PLPPR5: variants seen among roughly 807,000 people sequenced by gnomAD.
The protein encoded by PLPPR5 is phospholipid phosphatase-related protein type 5.
Under a neutral mutation model 33.9 loss-of-function variants are expected in PLPPR5, and 16 were observed. The ratio of observed to expected loss-of-function variants is 0.47; its 90% CI spans 0.32 to 0.72. The LOEUF (loss-of-function observed/expected upper bound fraction) is 0.72, where lower values mean the gene tolerates loss of function less well. Among genes scored for constraint, PLPPR5 ranks in the 30% least tolerant of loss-of-function variants. The pLI, the probability that PLPPR5 is intolerant of heterozygous loss-of-function variation, is 0.03. For synonymous variants in PLPPR5, 163 were observed against 150.3 expected (o/e 1.08, Z -0.62); for missense variants, 301 against 406.7 (o/e 0.74, Z 2.23).
chr1:98,941,078 G>A (rs1557677399), intron 3 of PLPPR5, among the ~76,000 whole-genome samples: 1 of 151,764 alleles, frequency 6.6e-6, no homozygotes, highest in Non-Finnish European at 1.5e-5. Context: ...AGGAGTTGTG[G>A]GGTTCACTTG....
At chr1:98,912,629 G>T (rs2101149913) in intron 5 of PLPPR5, among the ~76,000 whole-genome samples, 1 of 152,268 alleles carries the variant, frequency 6.6e-6, no homozygotes, top group East Asian at 1.9e-4. Flanking sequence ...GGGAAGCTGG[G>T]AAATATAGAT....
In PLPPR5 at chr1:98,923,780, T is replaced by C. The variant is rs538012527; in HGVS notation, c.622-1722A>G. Among the ~76,000 whole-genome samples the C allele has an allele frequency of 7.1e-4, 108 of 152,272 alleles. No individual in the cohort carries two copies. In the Middle Eastern group the frequency reaches 0.017, roughly 24 times the overall value. ...TTCAGTTATGGAGGGTAAGTATACA[T>C]GAGAGGGGAACAGGAAGAGATGAGA... On this transcript the variant is annotated intron_variant, in intron 3 of 5. Coordinates refer to ENST00000263177, the MANE Select transcript of PLPPR5 (RefSeq NM_001037317.2).
At chr1:98,990,474 T>TG (rs1243653504) in intron 1 of PLPPR5, among the ~76,000 whole-genome samples, 1 of 152,204 alleles carries the variant, frequency 6.6e-6, no homozygotes, top group African/African-American at 2.4e-5. Context: ...ATATGTGCTA[T>TG]GTACTATTAA....
chr1:98,995,618 T>C (rs1028818520), intron 1 of PLPPR5, among the ~76,000 whole-genome samples: 2 of 151,836 alleles, frequency 1.3e-5, no homozygotes, highest in Admixed American at 6.6e-5. Context: ...CAGCCCTTGG[T>C]TTAAAACAGT....
intron 3 of PLPPR5, among the ~76,000 whole-genome samples, chr1:98,929,378 G>A (rs1322858412): frequency 6.6e-6 from 1 of 152,120 alleles, no homozygotes; most frequent in Non-Finnish European, 1.5e-5. Flanking sequence ...TATGGGCATG[G>A]GGATAAAGCT....
At chr1:98,965,617 T>G (rs566314914) in intron 1 of PLPPR5, among the ~76,000 whole-genome samples, 44 of 152,322 alleles carry the variant, frequency 2.9e-4, no homozygotes, top group African/African-American at 1.1e-3. Flanking sequence ...TTCTCATACC[T>G]CAACCTTTGT....
At chr1:98,930,413 C>T (rs1323363025) in intron 3 of PLPPR5, among the ~76,000 whole-genome samples, 1 of 151,942 alleles carries the variant, frequency 6.6e-6, no homozygotes, top group Non-Finnish European at 1.5e-5. Context: ...TTTGTATGAT[C>T]TACTATGTAC....
At chr1:98,913,708 T>C (rs1452541826) in intron 5 of PLPPR5, among the ~76,000 whole-genome samples, 1 of 152,216 alleles carries the variant, frequency 6.6e-6, no homozygotes, top group Non-Finnish European at 1.5e-5. Flanking sequence ...ACCTGATTAG[T>C]GTGTAACTGA....
At chr1:99,001,671 G>GATATATATAT (rs55722150) in intron 1 of PLPPR5, among the ~76,000 whole-genome samples, 4,047 of 101,934 alleles carry the variant, frequency 0.04, 202 homozygotes, top group East Asian at 0.046. Flanking sequence ...GAAAGTTAAA[G>GATATATATAT]ATATATATAT....
rs371643530 is a variant in PLPPR5 at position 98,917,823 on chromosome 1, C to T, written c.799-2903G>A. ...AATACTTTGATTGATGTGTCTCTTC[C>T]AAGTTCCACAAATGCAAAGATGCTC... On this transcript the variant is annotated intron_variant, in intron 4 of 5. Transcript: ENST00000263177. 7.2e-5 allele frequency among the ~76,000 whole-genome samples: 11 copies of T among 152,276 alleles called. No individual in the cohort carries two copies. In the East Asian group the frequency reaches 2.1e-3, roughly 29 times the overall value.
At chr1:98,960,838 G>A (rs901938749) in intron 1 of PLPPR5, among the ~76,000 whole-genome samples, 2 of 152,118 alleles carry the variant, frequency 1.3e-5, no homozygotes, top group East Asian at 1.9e-4. Context: ...CGGCTGCTGC[G>A]CTCCTCTGGA....
chr1:98,967,120 AC>A (rs1231356571), intron 1 of PLPPR5, among the ~76,000 whole-genome samples: 1 of 152,190 alleles, frequency 6.6e-6, no homozygotes, highest in Non-Finnish European at 1.5e-5. Context: ...ATTATTATGT[AC>A]TTGTACTGTG....
In PLPPR5 at chr1:99,004,839, G is replaced by C; in HGVS notation, c.-168C>G. 6.9e-6 allele frequency: 2 copies of C among 291,642 alleles called. No homozygotes were observed. Among genetic ancestry groups the C allele is most frequent in the Non-Finnish European group, 1.2e-5 (2 of 165,428 alleles). 18.1% of individuals were successfully genotyped at this position (291,642 alleles called of 1,614,324 possible). On this transcript the variant is annotated 5_prime_UTR_variant, in exon 1 of 6. Transcript: ENST00000263177. ...TGGAGGAAGAGGCGGAGGCAGGTCC[G>C]GGCTTCGAGGCGCCGGCAGGCTGCA...
At chr1:98,916,243 T>C (rs538210989) in intron 4 of PLPPR5, among the ~76,000 whole-genome samples, 1 of 152,224 alleles carries the variant, frequency 6.6e-6, no homozygotes, top group Admixed American at 6.5e-5. Context: ...CAAATTATTA[T>C]AGATTTCTTA....
At chr1:98,931,694 C>T (rs1033948137) in intron 3 of PLPPR5, among the ~76,000 whole-genome samples, 2 of 151,722 alleles carry the variant, frequency 1.3e-5, no homozygotes, top group Non-Finnish European at 2.9e-5. Flanking sequence ...TTGTGTGGGT[C>T]GGGACGGGGG....
At chr1:98,951,820 A>G (rs3850455) in intron 3 of PLPPR5, among the ~76,000 whole-genome samples, 39,793 of 152,064 alleles carry the variant, frequency 0.26, 5,461 homozygotes, top group East Asian at 0.49. Context: ...GAGGGTAAAA[A>G]AATAATTCCA....
At chr1:98,971,273 A>C (rs1373999693) in intron 1 of PLPPR5, among the ~76,000 whole-genome samples, 1 of 152,096 alleles carries the variant, frequency 6.6e-6, no homozygotes, top group Non-Finnish European at 1.5e-5. Context: ...TAAACTTTGG[A>C]GAAGAGTTAC....
At chr1:99,000,903 T>C (rs1652815017) in intron 1 of PLPPR5, among the ~76,000 whole-genome samples, 1 of 152,140 alleles carries the variant, frequency 6.6e-6, no homozygotes, top group African/African-American at 2.4e-5. Flanking sequence ...CTCAGCCAGA[T>C]ATAATGCTTG....
chr1:98,943,133 G>A (rs910175947), intron 3 of PLPPR5, among the ~76,000 whole-genome samples: 3 of 152,124 alleles, frequency 2.0e-5, no homozygotes, highest in African/African-American at 7.2e-5. Context: ...GGGGAGCCAC[G>A]AGACTACCTA....
Sources: gnomAD v4.1 joint callset for allele counts (sites outside exome capture counted in the v4.1 genomes callset) on GRCh38, gnomAD v4.1.1 for gene constraint, MANE v1.5 for transcripts, NCBI Gene and HGNC (gene_info 2026-07-23, HGNC 2026-07-21) for gene names.